NRXN2: variants seen among roughly 807,000 people sequenced by gnomAD.
NRXN2 encodes the protein neurexin-2-beta.
NRXN2 carries 29 observed loss-of-function variants against 128.8 expected under a neutral mutation model. The ratio of observed to expected loss-of-function variants is 0.23; its 90% CI spans 0.17 to 0.31. NRXN2 has a LOEUF of 0.31. Among genes scored for constraint, NRXN2 ranks in the 10% least tolerant of loss-of-function variants. NRXN2 has a pLI of 1.00. For missense variants in NRXN2, 1,881 were observed against 2,452.6 expected, an observed-to-expected ratio of 0.77 and a Z score of 4.92; for synonymous variants, 1,098 against 1,075.2, an observed-to-expected ratio of 1.02 and a Z score of -0.41.
intron 3 of NRXN2, among the ~76,000 whole-genome samples, chr11:64,697,469 T>A (rs1277045639): frequency 6.6e-6 from 1 of 152,144 alleles, no homozygotes; most frequent in Non-Finnish European, 1.5e-5. Flanking sequence ...TTCTGGGCAC[T>A]TCGGAATCCT....
In NRXN2 at chr11:64,661,021, C is replaced by A. The variant is rs1400922266; in HGVS notation, c.1917G>T (p.Leu639=). 1 of 1,613,636 alleles carries A rather than the reference C, an allele frequency of 6.2e-7. No homozygotes were observed. Among genetic ancestry groups the A allele is most frequent in the South Asian group, 1.1e-5 (1 of 91,082 alleles). ...GGLPEGGRVD[L]PLPPEVWTAA... ...CTGTCCACACCTCTGGGGGCAGGGG[C>A]AGGTCCACCCGGCCCCCCTCAGGGA... Residue 639 remains leucine (L), a synonymous_variant, in exon 10 of 23, where the codon CTG becomes CTT. Transcript: ENST00000265459.
At chr11:64,653,100 A>T (rs568266868) in intron 12 of NRXN2, among the ~76,000 whole-genome samples, 2 of 152,186 alleles carry the variant, frequency 1.3e-5, no homozygotes, top group South Asian at 4.2e-4. Flanking sequence ...GCCCAGGCGC[A>T]CTGGGATGTC....
intron 2 of NRXN2, among the ~76,000 whole-genome samples, chr11:64,701,054 G>A (rs1232103272): frequency 6.6e-6 from 1 of 152,158 alleles, no homozygotes; most frequent in Non-Finnish European, 1.5e-5. Context: ...GCACCGCCCA[G>A]GCCAGGCCCT....
chr11:64,633,974 G>A (rs1216594535), intron 18 of NRXN2, among the ~76,000 whole-genome samples: 1 of 152,116 alleles, frequency 6.6e-6, no homozygotes, highest in Non-Finnish European at 1.5e-5. Context: ...CTCCCCTCAT[G>A]CTCCTTCCTT....
chr11:64,635,710 A>G lies in NRXN2; in HGVS notation c.3404-258T>C, dbSNP rs574315721. ...TAGCTTTAATTACAGCAAAATAGAG[A>G]GGTAATAGAGTGACACAGAGAGAGA... On this transcript the variant is annotated intron_variant, in intron 17 of 22. Coordinates refer to ENST00000265459, the MANE Select transcript of NRXN2 (RefSeq NM_015080.4). The surrounding 1 kb of genome is among the most constrained non-coding windows in gnomAD (Gnocchi z 4.8). Among the ~76,000 whole-genome samples the G allele has an allele frequency of 4.6e-5, 7 of 152,146 alleles. No individual in the cohort carries two copies. The South Asian group carries it at 1.5e-3, about 32-fold the overall frequency.
rs767132146 is a variant in NRXN2, at chr11:64,648,858, G to T, written c.3159C>A (p.Pro1053=). Residue 1053 remains proline, a synonymous_variant, in exon 16 of 23, where the codon CCC becomes CCA. Transcript: ENST00000265459. This position sits in a 1 kb window ranked among gnomAD's most constrained non-coding sequence, Gnocchi z 4.1. ...AGCCATCCCGGGAGGCCACCAGCTT[G>T]GGCAGGTTGCTGAACATATTCTTGC... is the stretch of plus-strand genomic sequence containing the variant. ...GLSKNMFSNL[P]KLVASRDGFQ... 1 of 1,614,192 alleles carries T rather than the reference G, an allele frequency of 6.2e-7. No homozygotes were observed. The highest frequency in any genetic ancestry group is 8.5e-7 in the Non-Finnish European group (1 of 1,180,020).
rs928733584 is a variant in NRXN2, at chr11:64,714,309, G to C, written c.-244-366C>G. Reference sequence around the variant, plus strand: ...GAGGCCTGGGAACTCTCCTCCGCCTGGTGACCCCAGCCCCTTCTCTGAACC... The same window carrying C: ...GAGGCCTGGGAACTCTCCTCCGCCTCGTGACCCCAGCCCCTTCTCTGAACC... On this transcript the variant is annotated intron_variant, in intron 1 of 22. Coordinates refer to ENST00000265459, the MANE Select transcript of NRXN2 (RefSeq NM_015080.4). The surrounding 1 kb of genome is among the most constrained non-coding windows in gnomAD (Gnocchi z 4.5). 1.3e-4 allele frequency among the ~76,000 whole-genome samples: 20 copies of C among 152,212 alleles called. No homozygotes were observed. The highest frequency in any genetic ancestry group is 2.6e-4 in the Non-Finnish European group (18 of 68,014).
chr11:64,713,012 C>T lies in NRXN2; in HGVS notation c.688G>A (p.Asp230Asn). The stretch of plus-strand genomic sequence containing the variant: ...CCGCCGAAGCCCGTGTGGCTGCAGT[C>T]GCAGCCCACCTCGCCGGGGGCCAGC... ...TVLAPGEVGCDCSHTGFGGKF... is the reference protein window; with the variant it reads ...TVLAPGEVGCNCSHTGFGGKF... Residue 230 changes from aspartate (D) to asparagine (N), a missense_variant, in exon 2 of 23, where the codon GAC (aspartate) becomes AAC (asparagine). By Grantham distance (23) the Asp-to-Asn change is conservative. Transcript: ENST00000265459. 1.3e-6 allele frequency: 2 copies of T among 1,485,172 alleles called. No homozygotes were observed. The highest frequency in any genetic ancestry group is 1.8e-6 in the Non-Finnish European group (2 of 1,121,748). The allele number at this position is 1,485,172 out of a possible 1,614,324, so 92.0% of individuals were successfully genotyped here. A position where few individuals can be genotyped will look rare whatever the true frequency, so the allele number is the denominator to read the frequency against.
intron 7 of NRXN2, among the ~76,000 whole-genome samples, chr11:64,673,993 G>A (rs1262347174): frequency 5.4e-5 from 8 of 148,796 alleles, no homozygotes; most frequent in Non-Finnish European, 1.2e-4. Flanking sequence ...AGCCGAGATC[G>A]CGCCACTTCA....
At chr11:64,620,893 T>C (rs527371404) in intron 21 of NRXN2, among the ~76,000 whole-genome samples, 5 of 151,524 alleles carry the variant, frequency 3.3e-5, no homozygotes, top group African/African-American at 1.2e-4. Flanking sequence ...ATTAGGGCTG[T>C]GGTTGCCATG....
At chr11:64,663,955 T>C (rs891571511) in intron 9 of NRXN2, among the ~76,000 whole-genome samples, 2 of 152,068 alleles carry the variant, frequency 1.3e-5, no homozygotes, top group African/African-American at 2.4e-5. Flanking sequence ...GGGACAAATA[T>C]TATATGATTC....
chr11:64,645,162 C>T (rs2046447275), intron 17 of NRXN2, among the ~76,000 whole-genome samples: 1 of 152,180 alleles, frequency 6.6e-6, no homozygotes. Flanking sequence ...CTATCACGTT[C>T]TTGGGCCCCT....
intron 2 of NRXN2, among the ~76,000 whole-genome samples, chr11:64,711,717 G>T (rs574322717): frequency 1.3e-5 from 2 of 152,126 alleles, no homozygotes; most frequent in East Asian, 3.9e-4. Context: ...CAAACCCCAC[G>T]CTCTCAGGGG....
chr11:64,702,971 T>TAAAAAAAAA (rs557268486), intron 2 of NRXN2, among the ~76,000 whole-genome samples: 6 of 51,110 alleles, frequency 1.2e-4, no homozygotes, highest in African/African-American at 2.3e-4. Flanking sequence ...CCCAGGTCTC[T>TAAAAAAAAA]AAAAAAAAAA....
intron 17 of NRXN2, among the ~76,000 whole-genome samples, chr11:64,639,384 C>T (rs943066143): frequency 6.6e-6 from 1 of 152,116 alleles, no homozygotes; most frequent in Admixed American, 6.5e-5. Context: ...AAAATAAATG[C>T]TAGCCCCCTT....
intron 17 of NRXN2, chr11:64,643,476 G>A (rs533502912): frequency 1.3e-3 from 208 of 160,314 alleles, no homozygotes; most frequent in African/African-American, 4.9e-3. Flanking sequence ...GGAAAGGCGC[G>A]AGCCTGCGAG....
At chr11:64,665,563 G>C (rs990489629) in intron 9 of NRXN2, among the ~76,000 whole-genome samples, 1 of 152,224 alleles carries the variant, frequency 6.6e-6, no homozygotes, top group Non-Finnish European at 1.5e-5. Context: ...CACACCCCGG[G>C]GATGAAACCA....
Position 64,661,153 on chromosome 11 carries a change from G to A in NRXN2, c.1799-14C>T, listed in dbSNP as rs147361630. 10 of 1,613,340 alleles carry A rather than the reference G, an allele frequency of 6.2e-6. No individual in the cohort carries two copies. In the Admixed American group the frequency reaches 1.7e-4, roughly 27 times the overall value. Reference sequence around the variant, plus strand: ...CTGAGATGGAGCCTGGGAATCAAGGGAAGGCAGGATGGAGAAAAGCCACAG... The same window carrying A: ...CTGAGATGGAGCCTGGGAATCAAGGAAAGGCAGGATGGAGAAAAGCCACAG... On this transcript the variant is annotated splice_polypyrimidine_tract_variant and intron_variant, in intron 9 of 22. Coordinates refer to ENST00000265459, the MANE Select transcript of NRXN2 (RefSeq NM_015080.4).
At chr11:64,697,575 C>T (rs1330742849) in intron 3 of NRXN2, among the ~76,000 whole-genome samples, 200 bp downstream of exon 3, 2 of 152,122 alleles carry the variant, frequency 1.3e-5, no homozygotes, top group Non-Finnish European at 2.9e-5. Context: ...AAAGGCCAGT[C>T]AGCAGCTCCC....
Sources: allele counts gnomAD v4.1 joint callset (sites outside exome capture counted in the v4.1 genomes callset), GRCh38; gene constraint gnomAD v4.1.1; non-coding constraint Gnocchi (gnomAD v3.1); transcripts MANE v1.5; gene names NCBI Gene and HGNC (gene_info 2026-07-23, HGNC 2026-07-21).